ZYG11B: variants seen among roughly 807,000 people sequenced by gnomAD.
ZYG11B encodes the protein protein zyg-11 homolog B.
A neutral mutation model predicts 82.4 loss-of-function variants in ZYG11B; 36 were observed. The ratio of observed to expected loss-of-function variants is 0.44; its 90% CI spans 0.33 to 0.58. The LOEUF (loss-of-function observed/expected upper bound fraction) is 0.58. Ranked by LOEUF, ZYG11B falls within the 20% of genes least tolerant of loss-of-function variation. The pLI, the probability that ZYG11B is intolerant of heterozygous loss-of-function variation, is 0.02. For missense variants in ZYG11B, 552 were observed against 895.6 expected (o/e 0.62, Z 4.90); for synonymous variants, 303 against 312.8 (o/e 0.97, Z 0.33).
At chr1:52,739,402 G>C (rs11205999) in intron 1 of ZYG11B, among the ~76,000 whole-genome samples, 7 of 151,962 alleles carry the variant, frequency 4.6e-5, no homozygotes, top group African/African-American at 1.7e-4. Context: ...ATCTCTTAAA[G>C]AAAAGGTAGT....
chr1:52,740,728 T>C (rs1245824102), intron 1 of ZYG11B, among the ~76,000 whole-genome samples: 1 of 151,914 alleles, frequency 6.6e-6, no homozygotes, highest in African/African-American at 2.4e-5. Context: ...CACCCTTAGC[T>C]AATTTTTTGT....
Position 52,816,648 on chromosome 1 carries a change from G to A in ZYG11B, c.2044+19G>A, listed in dbSNP as rs763119354. On this transcript the variant is annotated intron_variant, in intron 13 of 13. Transcript: ENST00000294353. The stretch of plus-strand genomic sequence containing the variant: ...AAGAATCGTATGTACCAAAAAAAAA[G>A]AACTGTGTTTTTTTTCTTTAAGTGA... 1.3e-6 allele frequency: 2 copies of A among 1,527,394 alleles called. No individual in the cohort carries two copies. Among genetic ancestry groups the A allele is most frequent in the Non-Finnish European group, 1.8e-6 (2 of 1,114,108 alleles). The allele number at this position is 1,527,394 out of a possible 1,614,324, so 94.6% of individuals were successfully genotyped here. A position where few individuals can be genotyped will look rare whatever the true frequency, so the allele number is the denominator to read the frequency against.
intron 13 of ZYG11B, among the ~76,000 whole-genome samples, chr1:52,820,975 C>T (rs111387922): frequency 0.014 from 2,149 of 151,428 alleles, 60 homozygotes; most frequent in African/African-American, 0.05. Context: ...GTGGCATGTG[C>T]CTGTATTTCC....
chr1:52,770,640 A>G (rs961187067), intron 2 of ZYG11B, among the ~76,000 whole-genome samples: 8 of 152,192 alleles, frequency 5.3e-5, no homozygotes, highest in African/African-American at 1.9e-4. Context: ...GACAGCATGG[A>G]AAATCATGCA....
At chr1:52,761,028 G>A (rs1644626125) in intron 2 of ZYG11B, among the ~76,000 whole-genome samples, 1 of 152,152 alleles carries the variant, frequency 6.6e-6, no homozygotes, top group Admixed American at 6.6e-5. Context: ...CTCCCAAAGT[G>A]CTGGGATTAC....
At chr1:52,780,383 T>G (rs984391199) in intron 4 of ZYG11B, among the ~76,000 whole-genome samples, 1 of 152,086 alleles carries the variant, frequency 6.6e-6, no homozygotes, top group Admixed American at 6.6e-5. Flanking sequence ...AATATGGTAG[T>G]TCATGCCTGT....
intron 10 of ZYG11B, among the ~76,000 whole-genome samples, chr1:52,802,748 A>G (rs1008374278): frequency 1.3e-5 from 2 of 152,090 alleles, no homozygotes; most frequent in Non-Finnish European, 2.9e-5. Flanking sequence ...CTTGTAAACA[A>G]TGACATTGGA....
chr1:52,792,022 G>A (rs775664344), intron 6 of ZYG11B, among the ~76,000 whole-genome samples: 2 of 152,142 alleles, frequency 1.3e-5, no homozygotes, highest in Non-Finnish European at 2.9e-5. Flanking sequence ...AGCAGCCATA[G>A]GTAATATGTA....
Position 52,796,180 on chromosome 1 carries a change from T to A in ZYG11B, c.1335-112T>A, listed in dbSNP as rs111547076. On this transcript the variant is annotated intron_variant, in intron 6 of 13. Coordinates refer to ENST00000294353, the MANE Select transcript of ZYG11B (RefSeq NM_024646.3). Reference sequence around the variant, plus strand: ...GTTACTCTCTACCAGTTAAGAGGAATTTTCCCTTGCCTTTTCATATATTTA... The same window carrying A: ...GTTACTCTCTACCAGTTAAGAGGAAATTTCCCTTGCCTTTTCATATATTTA... The A allele has an allele frequency of 2.4e-3, 1,644 of 694,820 alleles. 32 individuals are homozygous for A. The African/African-American group carries it at 0.026, about 11-fold the overall frequency. 43.0% of individuals were successfully genotyped at this position (694,820 alleles called of 1,614,324 possible).
chr1:52,819,546 C>G (rs866398679), intron 13 of ZYG11B, among the ~76,000 whole-genome samples: 15 of 151,968 alleles, frequency 9.9e-5, no homozygotes, highest in Middle Eastern at 3.4e-3. Flanking sequence ...CCAGCACTTT[C>G]GGAGGCCAAG....
intron 10 of ZYG11B, among the ~76,000 whole-genome samples, chr1:52,802,693 A>AAGAG (rs148334695): frequency 1.6e-4 from 24 of 150,372 alleles, no homozygotes; most frequent in African/African-American, 2.9e-4. Context: ...CAAAAAAAGA[A>AAGAG]AGAGAGAGAG....
At chr1:52,761,613 A>G (rs1271119400) in intron 2 of ZYG11B, among the ~76,000 whole-genome samples, 3 of 152,228 alleles carry the variant, frequency 2.0e-5, no homozygotes, top group African/African-American at 7.2e-5. Flanking sequence ...TTGATTCTGC[A>G]TCTTGCTATT....
intron 6 of ZYG11B, among the ~76,000 whole-genome samples, chr1:52,791,052 ACCT>A (rs1432167144): frequency 6.6e-6 from 1 of 151,668 alleles, no homozygotes; most frequent in Non-Finnish European, 1.5e-5. Flanking sequence ...GCTCACTGCA[ACCT>A]CCTCCTCCTG....
intron 8 of ZYG11B, 27 bp downstream of exon 8, chr1:52,796,811 G>A (rs1318455365): frequency 2.1e-6 from 3 of 1,399,596 alleles, no homozygotes; most frequent in Non-Finnish European, 2.8e-6. Context: ...CTCCATTCAG[G>A]CCACTAGATA....
chr1:52,774,245 A>T (rs1644784337), intron 3 of ZYG11B, among the ~76,000 whole-genome samples: 1 of 150,492 alleles, frequency 6.6e-6, no homozygotes, highest in South Asian at 2.1e-4. Context: ...GCTCGAGTGG[A>T]TCCTCCTGGC....
At chr1:52,737,751 A>G (rs1261627638) in intron 1 of ZYG11B, among the ~76,000 whole-genome samples, 1 of 152,230 alleles carries the variant, frequency 6.6e-6, no homozygotes. Flanking sequence ...AACAAGAGCA[A>G]AACCCTGTCT....
At chr1:52,743,582 T>G (rs1644452292) in intron 1 of ZYG11B, among the ~76,000 whole-genome samples, 1 of 151,982 alleles carries the variant, frequency 6.6e-6, no homozygotes, top group Non-Finnish European at 1.5e-5. Flanking sequence ...GGTGCTTTGG[T>G]GCACACCTGT....
intron 8 of ZYG11B, among the ~76,000 whole-genome samples, chr1:52,798,412 A>G (rs1202306526): frequency 1.3e-5 from 2 of 152,138 alleles, no homozygotes; most frequent in Non-Finnish European, 2.9e-5. Flanking sequence ...CCAGGAGTTC[A>G]AGACCAGCCT....
At position 52,816,625 on chromosome 1, in the gene ZYG11B, G is replaced by T. The variant is rs1048592256; in HGVS notation, c.2040G>T (p.Lys680Asn). Residue 680 changes from lysine (K) to asparagine (N), a missense_variant, in exon 13 of 14, where the codon AAG becomes AAT. Transcript: ENST00000294353. ...GGGCCATGCAACATGTCTGCAGCAA[G>T]AATCGTATGTACCAAAAAAAAAGAA... ...AVWAMQHVCS[K>N]NPSRYCSMLI... is the part of the protein sequence containing the mutation. 1 of 1,600,772 alleles carries T rather than the reference G, an allele frequency of 6.2e-7. No individual in the cohort carries two copies.
Sources: gnomAD v4.1 joint callset for allele counts (sites outside exome capture counted in the v4.1 genomes callset) on GRCh38, gnomAD v4.1.1 for gene constraint, MANE v1.5 for transcripts, NCBI Gene and HGNC (gene_info 2026-07-23, HGNC 2026-07-21) for gene names.